Variants in AKAP6 observed in about 807,000 individuals in gnomAD.
AKAP6 encodes A-kinase anchoring protein 6.
AKAP6 carries 58 observed loss-of-function variants against 188.5 expected under a neutral mutation model. The observed-to-expected ratio is 0.31, with a 90% CI of 0.25 to 0.38. The LOEUF (loss-of-function observed/expected upper bound fraction) is 0.38, where lower values mean the gene tolerates loss of function less well. Ranked by LOEUF, AKAP6 falls within the 10% of genes least tolerant of loss-of-function variation. The pLI is 1.00. For synonymous variants in AKAP6, 989 were observed against 998.6 expected (o/e 0.99, Z 0.18); for missense variants, 2,710 against 2,740.0 (o/e 0.99, Z 0.24).
intron 7 of AKAP6, among the ~76,000 whole-genome samples, chr14:32,677,118 A>G (rs966733897): frequency 6.6e-6 from 1 of 151,994 alleles, no homozygotes; most frequent in African/African-American, 2.4e-5. Flanking sequence ...GCATCACCGC[A>G]CCCGGCCTGC....
chr14:32,482,097 TC>T (rs1349302394), intron 2 of AKAP6, among the ~76,000 whole-genome samples: 1 of 152,052 alleles, frequency 6.6e-6, no homozygotes, highest in Non-Finnish European at 1.5e-5. Flanking sequence ...CTTCCTTCCT[TC>T]CCCTTGCTTA....
At chr14:32,422,868 A>G (rs1236264114) in intron 1 of AKAP6, among the ~76,000 whole-genome samples, 1 of 152,160 alleles carries the variant, frequency 6.6e-6, no homozygotes, top group Non-Finnish European at 1.5e-5. Flanking sequence ...TTCCAGAGGT[A>G]CCTGGTTCCA....
chr14:32,737,431 A>T (rs1480782336), intron 11 of AKAP6, among the ~76,000 whole-genome samples: 1 of 152,176 alleles, frequency 6.6e-6, no homozygotes, highest in Non-Finnish European at 1.5e-5. Flanking sequence ...TATAATAATA[A>T]CGTAATATAA....
At chr14:32,818,584 A>T (rs1486601630) in intron 12 of AKAP6, among the ~76,000 whole-genome samples, 1 of 151,998 alleles carries the variant, frequency 6.6e-6, no homozygotes, top group Non-Finnish European at 1.5e-5. Context: ...TGAATTTGGA[A>T]CCCATGGATA....
chr14:32,726,110 A>G lies in AKAP6; in HGVS notation c.3001-6344A>G, dbSNP rs1363867212. On this transcript the variant is annotated intron_variant, in intron 9 of 13. Transcript: ENST00000280979. ...TCCAACGACCAGATTAAGGTTTTCT[A>G]GTTCCCACACTAGAAAATAGTTATT... The G allele has an allele frequency of 4.5e-6, 4 of 883,908 alleles. No homozygotes were observed. In the African/African-American group the frequency reaches 7.3e-5, roughly 16 times the overall value. The allele number at this position is 883,908 out of a possible 1,614,324, so 54.8% of individuals were successfully genotyped here.
chr14:32,680,926 G>C (rs1345168620), intron 8 of AKAP6, among the ~76,000 whole-genome samples: 2 of 152,166 alleles, frequency 1.3e-5, no homozygotes, highest in East Asian at 3.9e-4. Flanking sequence ...TCTAGTAACA[G>C]AGTTTGTTCA....
chr14:32,597,947 A>G (rs1371107849), intron 5 of AKAP6, among the ~76,000 whole-genome samples: 2 of 151,966 alleles, frequency 1.3e-5, no homozygotes, highest in Non-Finnish European at 2.9e-5. Context: ...GTTCAGACTC[A>G]CCACTGACCA....
chr14:32,689,981 C>T (rs1021358534), intron 8 of AKAP6, among the ~76,000 whole-genome samples: 1 of 151,498 alleles, frequency 6.6e-6, no homozygotes, highest in Non-Finnish European at 1.5e-5. Context: ...CCAATATAGA[C>T]AGGTGGTATT....
At chr14:32,481,753 ACAAG>A (rs1436763605) in intron 2 of AKAP6, among the ~76,000 whole-genome samples, 1 of 152,162 alleles carries the variant, frequency 6.6e-6, no homozygotes, top group Non-Finnish European at 1.5e-5. Flanking sequence ...CCTTCTGTAA[ACAAG>A]CAAGCTGTAA....
At chr14:32,584,259 G>A (rs1389953230) in intron 5 of AKAP6, among the ~76,000 whole-genome samples, 1 of 152,132 alleles carries the variant, frequency 6.6e-6, no homozygotes, top group Non-Finnish European at 1.5e-5. Flanking sequence ...TGATAACCTG[G>A]ATGATTACTA....
rs529053250 is a variant in AKAP6, at chr14:32,824,730, T to G, written c.6917T>G (p.Leu2306Arg). The change falls in exon 13 of 14, where the codon CTT becomes CGT. Residue 2306 changes from leucine to arginine, a missense_variant. Physicochemically the swap from Leu to Arg is moderately radical, Grantham distance 102. Transcript: ENST00000280979. ...AAAACTTTAACCTGTGAAGAAAATCTTCTAAACCTTCATGAAAAACGACAT... is the reference window on the plus strand; with the variant it reads ...AAAACTTTAACCTGTGAAGAAAATCGTCTAAACCTTCATGAAAAACGACAT... ...SPKTLTCEEN[L>R]LNLHEKRHRN... The G allele has an allele frequency of 6.2e-7, 1 of 1,612,776 alleles. No homozygotes were observed. Among genetic ancestry groups the G allele is most frequent in the African/African-American group, 1.3e-5 (1 of 74,916 alleles).
chr14:32,441,234 T>C (rs1890566475), intron 2 of AKAP6, among the ~76,000 whole-genome samples: 2 of 152,216 alleles, frequency 1.3e-5, no homozygotes, highest in Non-Finnish European at 2.9e-5. Context: ...TGGATACTAG[T>C]GGTCAAGTGT....
At chr14:32,650,615 TA>T (rs988617192) in intron 7 of AKAP6, among the ~76,000 whole-genome samples, 2 of 151,736 alleles carry the variant, frequency 1.3e-5, no homozygotes, top group South Asian at 2.1e-4. Context: ...TGTTTAAAAA[TA>T]AAAAAATAAA....
At chr14:32,591,111 C>G (rs563947206) in intron 5 of AKAP6, among the ~76,000 whole-genome samples, 36 of 152,276 alleles carry the variant, frequency 2.4e-4, no homozygotes, top group South Asian at 2.3e-3. Context: ...CAATCTATCA[C>G]TCTTGTGAAT....
intron 2 of AKAP6, among the ~76,000 whole-genome samples, chr14:32,457,996 A>G (rs1237646737): frequency 2.0e-5 from 3 of 152,232 alleles, no homozygotes; most frequent in Non-Finnish European, 2.9e-5. Context: ...GACCAAAGTC[A>G]TATCTTATTC....
intron 7 of AKAP6, among the ~76,000 whole-genome samples, chr14:32,644,362 C>T (rs1887893262): frequency 6.6e-6 from 1 of 152,148 alleles, no homozygotes; most frequent in Non-Finnish European, 1.5e-5. Flanking sequence ...CCAAGTGTAT[C>T]TAGGCTAGCA....
intron 4 of AKAP6, among the ~76,000 whole-genome samples, chr14:32,563,532 A>G (rs1361112119): frequency 6.6e-6 from 1 of 152,080 alleles, no homozygotes; most frequent in African/African-American, 2.4e-5. Context: ...TTGTATAGAG[A>G]TGACTGGTCT....
At position 32,484,440 on chromosome 14, in the gene AKAP6, C is replaced by T. The variant is rs1879548046; in HGVS notation, c.324+50623C>T. ...TAGACTGTCCAACCTGTTCCGGCGCCGGCTTCCACTATGGCAGATGCAAGC... is the reference window on the plus strand; with the variant it reads ...TAGACTGTCCAACCTGTTCCGGCGCTGGCTTCCACTATGGCAGATGCAAGC... On this transcript the variant is annotated intron_variant, in intron 2 of 13. Transcript: ENST00000280979. 8 of 167,258 alleles carry T rather than the reference C, an allele frequency of 4.8e-5. 1 individual carries two copies. The highest frequency in any genetic ancestry group is 6.9e-5 in the Non-Finnish European group (8 of 115,596). 10.4% of individuals were successfully genotyped at this position (167,258 alleles called of 1,614,324 possible).
chr14:32,566,857 G>T (rs970184035), intron 4 of AKAP6, among the ~76,000 whole-genome samples: 8 of 152,046 alleles, frequency 5.3e-5, no homozygotes, highest in African/African-American at 1.9e-4. Context: ...CTGCGTACTT[G>T]ATTACACAGC....
Sources: gnomAD v4.1 joint callset for allele counts (sites outside exome capture counted in the v4.1 genomes callset) on GRCh38, gnomAD v4.1.1 for gene constraint, MANE v1.5 for transcripts, NCBI Gene and HGNC (gene_info 2026-07-23, HGNC 2026-07-21) for gene names.